The following EIF4A2 variants were observed in gnomAD, a reference collection of about 807,000 sequenced individuals.
The protein encoded by EIF4A2 is eukaryotic translation initiation factor 4A2.
EIF4A2 carries 9 observed loss-of-function variants against 50.6 expected under a neutral mutation model. The ratio of observed to expected loss-of-function variants is 0.18; its 90% confidence interval spans 0.11 to 0.31. The LOEUF is 0.31. Among genes scored for constraint, EIF4A2 ranks in the 10% least tolerant of loss-of-function variants. The pLI, the probability that EIF4A2 is intolerant of heterozygous loss-of-function variation, is 1.00. For missense variants in EIF4A2, 182 were observed against 501.8 expected, an observed-to-expected ratio of 0.36 and a Z score of 6.09; for synonymous variants, 215 against 164.4, an observed-to-expected ratio of 1.31 and a Z score of -2.35.
At chr3:186,788,363 A>G (rs1250325564) in intron 10 of EIF4A2, 1 of 1,289,962 alleles carries the variant, frequency 7.8e-7, no homozygotes, top group Non-Finnish European at 1.0e-6. Flanking sequence ...GCGTTGACGT[A>G]ATTTAGGACG....
chr3:186,784,875 G>A (rs1257601291), intron 3 of EIF4A2, 87 bp from the exon 4 acceptor site: 4 of 1,605,634 alleles, frequency 2.5e-6, no homozygotes, highest in Non-Finnish European at 8.5e-7. Flanking sequence ...GATTATTTGG[G>A]CATAATGTTC....
chr3:186,787,605 T>TA, intron 9 of EIF4A2, 21 bp downstream of exon 9: 2 of 1,613,830 alleles, frequency 1.2e-6, no homozygotes, highest in Non-Finnish European at 1.7e-6. Context: ...TAATGCTTTT[T>TA]AAAAATCTAC....
At chr3:186,788,223 C>T (rs1373370310) in intron 10 of EIF4A2, 1 of 1,155,668 alleles carries the variant, frequency 8.7e-7, no homozygotes, top group Non-Finnish European at 1.1e-6. Context: ...TGAGTGAACC[C>T]TGGTTTAGTT....
chr3:186,789,336 T>C lies in EIF4A2; in HGVS notation c.*67T>C, dbSNP rs1579171433. On this transcript the variant is annotated 3_prime_UTR_variant, in exon 11 of 11. Transcript: ENST00000323963. ...GAATAGGCGATCACAACGTGCATTG[T>C]GCTTCTTTCTTTGGGAATATTTGAA... The C allele has an allele frequency of 1.3e-6, 2 of 1,525,744 alleles. No homozygotes were observed. Among genetic ancestry groups the C allele is most frequent in the Non-Finnish European group, 1.8e-6 (2 of 1,135,646 alleles). The allele number at this position is 1,525,744 out of a possible 1,614,324, so 94.5% of individuals were successfully genotyped here. A position where few individuals can be genotyped will look rare whatever the true frequency, so the allele number is the denominator to read the frequency against.
At position 186,783,774 on chromosome 3, in the gene EIF4A2, C is replaced by G; in HGVS notation, c.29+135C>G. Reference sequence around the variant, plus strand: ...AGGGTACAGCACTCCTGTGCCCTTCCAGAAGCTTCCATGATGGGTAGGGCC... The same window carrying G: ...AGGGTACAGCACTCCTGTGCCCTTCGAGAAGCTTCCATGATGGGTAGGGCC... On this transcript the variant is annotated intron_variant, in intron 1 of 10. Coordinates refer to ENST00000323963, the MANE Select transcript of EIF4A2 (RefSeq NM_001967.4). The G allele has an allele frequency of 4.3e-6, 6 of 1,396,360 alleles. No homozygotes were observed. The South Asian group carries it at 5.9e-5, about 14-fold the overall frequency. The allele number at this position is 1,396,360 out of a possible 1,614,324, so 86.5% of individuals were successfully genotyped here. A position where few individuals can be genotyped will look rare whatever the true frequency, so the allele number is the denominator to read the frequency against.
chr3:186,786,933 AATTTTGGT>A (rs1721761402), intron 7 of EIF4A2, 186 bp from the exon 8 acceptor site: 2 of 939,976 alleles, frequency 2.1e-6, no homozygotes, highest in Non-Finnish European at 3.3e-6. Flanking sequence ...AAGACTGGCC[AATTTTGGT>A]ATTTTGGGTA....
intron 5 of EIF4A2, 32 bp downstream of exon 5, chr3:186,786,083 TA>T: frequency 6.3e-7 from 1 of 1,599,188 alleles, no homozygotes; most frequent in Non-Finnish European, 8.6e-7. Context: ...GTATTTTTTT[TA>T]AAACTGTTAA....
At position 186,783,633 on chromosome 3, in the gene EIF4A2, A is replaced by T; in HGVS notation, c.23A>T (p.Tyr8Phe). ...ATCATGTCTGGTGGCTCCGCGGATT[A>T]TAACAGGTATGCAGTCTGTTGGCGG... is the stretch of plus-strand genomic sequence containing the variant. MSGGSAD[Y>F]NREHGGPEGM... The change falls in exon 1 of 11, where the codon TAT (tyrosine) becomes TTT (phenylalanine). Residue 8 changes from tyrosine (Y) to phenylalanine (F), a missense_variant. By Grantham distance (22) the Tyr-to-Phe change is conservative (BLOSUM62 3). Around this residue, in one of 7 missense-constraint regions of EIF4A2, gnomAD observed 43 missense variants for 22.2 expected, o/e 1.93. Transcript: ENST00000323963. 3 of 1,614,170 alleles carry T rather than the reference A, an allele frequency of 1.9e-6. No individual in the cohort carries two copies.
downstream of EIF4A2, chr3:186,789,897 AGGTG>A: frequency 1.1e-6 from 1 of 939,882 alleles, no homozygotes; most frequent in East Asian, 2.5e-5. Context: ...TTCACTTTAA[AGGTG>A]CTTTTGGTCA....
intron 10 of EIF4A2, chr3:186,788,434 T>C: frequency 8.1e-7 from 1 of 1,239,246 alleles, no homozygotes; most frequent in African/African-American, 1.6e-5. Context: ...TTTATATTTG[T>C]TTTTCTTTTG....
In EIF4A2 at chr3:186,789,167, A is replaced by AG; in HGVS notation, c.1122_1123insG (p.Asn375GlufsTer5). On this transcript the variant is annotated frameshift_variant, in exon 11 of 11. Transcript: ENST00000323963. LOFTEE classifies it high-confidence loss of function. ...GATTTGGGAGGAAAGGTGTGGCTAT[A>AG]AACTTTGTTACTGAAGAAGACAAGA... 1 of 1,613,820 alleles carries AG rather than the reference A, an allele frequency of 6.2e-7. No homozygotes were observed. Among genetic ancestry groups the AG allele is most frequent in the Non-Finnish European group, 8.5e-7 (1 of 1,179,804 alleles).
At chr3:186,784,757 A>G (rs768097577) in intron 3 of EIF4A2, 61 bp downstream of exon 3, 12 of 1,609,854 alleles carry the variant, frequency 7.5e-6, no homozygotes, top group Non-Finnish European at 1.0e-5. Context: ...TAAAAGGGAA[A>G]GTAACCTCTG....
chr3:186,785,758 A>G (rs1721666746), intron 4 of EIF4A2, 125 bp from the exon 5 acceptor site: 1 of 1,216,692 alleles, frequency 8.2e-7, no homozygotes, highest in East Asian at 2.4e-5. Flanking sequence ...TTAAGCTTGG[A>G]AGTAGTTTTG....
intron 4 of EIF4A2, chr3:186,785,322 T>A (rs1721628245): frequency 1.6e-6 from 1 of 618,366 alleles, no homozygotes; most frequent in Non-Finnish European, 2.7e-6. Context: ...CGAAGCGCTC[T>A]CTTGGATGTA....
rs1722003194 is a variant in EIF4A2, at chr3:186,789,719, ATT to A, written c.*453_*454del. 7 of 400,188 alleles carry A rather than the reference ATT, an allele frequency of 1.7e-5. No homozygotes were observed. In the South Asian group the frequency reaches 3.4e-4, roughly 20 times the overall value. The allele number at this position is 400,188 out of a possible 1,614,324, so 24.8% of individuals were successfully genotyped here. ...ATTTTTTTAGAAAGCATTTGAATGC[ATT>A]TTGTTTGGTATTGTATTTATTCAAT... On this transcript the variant is annotated 3_prime_UTR_variant, in exon 11 of 11. Transcript: ENST00000323963.
In EIF4A2 at chr3:186,786,649, ACTGT is replaced by A. The variant is rs569284255; in HGVS notation, c.771+8_771+11del. 43 of 1,613,758 alleles carry A rather than the reference ACTGT, an allele frequency of 2.7e-5. No individual in the cohort carries two copies. The East Asian group carries it at 6.0e-4, about 23-fold the overall frequency. ...TTATATTAATGTTGAGAGAGAGGTA[ACTGT>A]CTGATTGTTAGACATTATTTTACCT... On this transcript the variant is annotated splice_donor_5th_base_variant and intron_variant, in intron 7 of 10. Coordinates refer to ENST00000323963, the MANE Select transcript of EIF4A2 (RefSeq NM_001967.4).
chr3:186,784,449 A>T lies in EIF4A2; in HGVS notation c.47A>T (p.Glu16Val). 1.2e-6 allele frequency: 2 copies of T among 1,614,164 alleles called. No individual in the cohort carries two copies. The highest frequency in any genetic ancestry group is 1.7e-6 in the Non-Finnish European group (2 of 1,180,026). ...ADYNREHGGP[E>V]GMDPDGVIES... ...GTCAGCAGAGAACATGGCGGCCCAG[A>T]GGGAATGGACCCCGATGGTGTCATC... Residue 16 changes from glutamate to valine, a missense_variant, in exon 2 of 11, where the codon GAG becomes GTG. Glu to Val is a moderately radical substitution (Grantham distance 121). Around this residue, in one of 7 missense-constraint regions of EIF4A2, gnomAD observed 43 missense variants for 22.2 expected, o/e 1.93. Transcript: ENST00000323963.
chr3:186,788,873 G>A (rs144829585), intron 10 of EIF4A2: 60 of 452,344 alleles, frequency 1.3e-4, no homozygotes, highest in African/African-American at 1.1e-3. Flanking sequence ...ACTGTCATCT[G>A]CTTTATAATA....
In EIF4A2 at chr3:186,787,200, C is replaced by T. The variant is rs2108459744; in HGVS notation, c.845C>T (p.Thr282Met). Residue 282 changes from threonine (T) to methionine (M), a missense_variant, in exon 8 of 11, where the codon ACG (threonine) becomes ATG (methionine). Physicochemically the swap from Thr to Met is moderately conservative, Grantham distance 81 (BLOSUM62 -1). Coordinates refer to ENST00000323963, the MANE Select transcript of EIF4A2 (RefSeq NM_001967.4). ...TITQAVIFLN[T>M]RRKVDWLTEK... ...ACACAGGCTGTTATTTTTCTCAATA[C>T]GAGGCGCAAGGTGGACTGGCTGACT... The T allele has an allele frequency of 6.2e-7, 1 of 1,614,100 alleles. No individual in the cohort carries two copies. Among genetic ancestry groups the T allele is most frequent in the Non-Finnish European group, 8.5e-7 (1 of 1,179,992 alleles).
Sources: gnomAD v4.1 joint callset for allele counts on GRCh38, gnomAD v4.1.1 for gene constraint, gnomAD v4.1.1 regional missense constraint, MANE v1.5 for transcripts, NCBI Gene and HGNC (gene_info 2026-07-23, HGNC 2026-07-21) for gene names.